Variants in FOCAD observed in about 807,000 individuals in gnomAD.
The protein encoded by FOCAD is KIAA1797.
A neutral mutation model predicts 225.6 loss-of-function variants in FOCAD; 198 were observed. The observed-to-expected ratio is 0.88, with a 90% confidence interval of 0.78 to 0.99. FOCAD has a LOEUF of 0.99. Ranked by LOEUF, FOCAD falls within the 50% of genes least tolerant of loss-of-function variation. FOCAD has a pLI of 0.00. For missense variants in FOCAD, 2,713 were observed against 2,123.6 expected (o/e 1.28, Z -5.46); for synonymous variants, 897 against 755.0 (o/e 1.19, Z -3.08).
intron 35 of FOCAD, among the ~76,000 whole-genome samples, chr9:20,954,358 AT>A (rs1261410441): frequency 6.6e-6 from 1 of 152,184 alleles, no homozygotes; most frequent in Non-Finnish European, 1.5e-5. Flanking sequence ...AGGAATACAT[AT>A]ATATTTCTGC....
chr9:20,949,611 C>T lies in FOCAD; in HGVS notation c.3884C>T (p.Ser1295Leu). 6.2e-7 allele frequency: 1 copy of T among 1,612,892 alleles called. No homozygotes were observed. Among genetic ancestry groups the T allele is most frequent in the Non-Finnish European group, 8.5e-7 (1 of 1,179,156 alleles). ...TTCTTCTTATTCTTTCAGCTGAAAT[C>T]AGAAGCCATCCAGACCTCTCATTTT... is the stretch of plus-strand genomic sequence containing the variant. Reference protein sequence around the residue: ...GSEGDVMQLKSEAIQTSHFQG... With the variant: ...GSEGDVMQLKLEAIQTSHFQG... Residue 1295 changes from serine (S) to leucine (L), a missense_variant, in exon 33 of 44, where the codon TCA (serine) becomes TTA (leucine). By Grantham distance (145) the Ser-to-Leu change is moderately radical (BLOSUM62 -2). Transcript: ENST00000338382.
intron 15 of FOCAD, among the ~76,000 whole-genome samples, chr9:20,838,413 T>A (rs369761709): frequency 7.7e-4 from 117 of 152,212 alleles, no homozygotes; most frequent in African/African-American, 2.7e-3. Context: ...TCTTTTTGCT[T>A]CAGAGCCATG....
At chr9:20,812,371 A>G (rs1342685770) in intron 11 of FOCAD, among the ~76,000 whole-genome samples, 3 of 152,124 alleles carry the variant, frequency 2.0e-5, no homozygotes, top group African/African-American at 4.8e-5. Context: ...CATGATGAAT[A>G]GTAACAAAGC....
At chr9:20,685,972 C>T (rs995637120) in intron 1 of FOCAD, among the ~76,000 whole-genome samples, 3 of 152,058 alleles carry the variant, frequency 2.0e-5, no homozygotes, top group Non-Finnish European at 2.9e-5. Flanking sequence ...TGGTGCTTAC[C>T]GGTAAATCGT....
chr9:20,861,435 T>C (rs531419436), intron 15 of FOCAD, among the ~76,000 whole-genome samples: 116 of 152,306 alleles, frequency 7.6e-4, no homozygotes, highest in African/African-American at 2.6e-3. Flanking sequence ...TGGTCTACAA[T>C]ACTGCCCTTA....
intron 21 of FOCAD, among the ~76,000 whole-genome samples, chr9:20,898,868 G>A (rs1219442138): frequency 6.6e-6 from 1 of 151,952 alleles, no homozygotes; most frequent in East Asian, 1.9e-4. Flanking sequence ...AGGTGTTGGG[G>A]GAGTAGAGTC....
intron 18 of FOCAD, among the ~76,000 whole-genome samples, chr9:20,873,087 C>T (rs1296840169): frequency 6.6e-6 from 1 of 152,058 alleles, no homozygotes; most frequent in African/African-American, 2.4e-5. Flanking sequence ...GTTTGGGCTG[C>T]ATGAATGTTT....
At position 20,869,345 on chromosome 9, in the gene FOCAD, AT is replaced by A. The variant is rs556373956; in HGVS notation, c.2190+2334del. On this transcript the variant is annotated intron_variant, in intron 18 of 43. Transcript: ENST00000338382. The stretch of plus-strand genomic sequence containing the variant: ...TGTGAATTTCAAGTAGAGCTAAAAA[AT>A]ATATATATATAAGATATCCTTACAA... Among the ~76,000 whole-genome samples the A allele has an allele frequency of 2.0e-5, 3 of 151,968 alleles. No individual in the cohort carries two copies. In the South Asian group the frequency reaches 6.2e-4, roughly 32 times the overall value.
intron 24 of FOCAD, among the ~76,000 whole-genome samples, chr9:20,922,443 A>G (rs1834530561): frequency 6.6e-6 from 1 of 152,156 alleles, no homozygotes; most frequent in African/African-American, 2.4e-5. Context: ...GGGCGAATAG[A>G]TAGGAAGGAT....
At chr9:20,819,308 G>C (rs568757040) in intron 11 of FOCAD, among the ~76,000 whole-genome samples, 2 of 152,250 alleles carry the variant, frequency 1.3e-5, no homozygotes, top group East Asian at 3.9e-4. Context: ...TGAGCTCCCA[G>C]TGTTAAGTGA....
intron 6 of FOCAD, among the ~76,000 whole-genome samples, chr9:20,759,778 T>C (rs1271576229): frequency 6.6e-6 from 1 of 152,172 alleles, no homozygotes; most frequent in Non-Finnish European, 1.5e-5. Context: ...AAGTTAAGCA[T>C]TGGTAAGTGG....
intron 11 of FOCAD, among the ~76,000 whole-genome samples, chr9:20,802,672 A>G (rs10123225): frequency 0.22 from 33,211 of 152,150 alleles, 3,726 homozygotes; most frequent in Non-Finnish European, 0.25. Flanking sequence ...GAAACACTGT[A>G]GAGTCCAGGG....
At chr9:20,943,495 C>G (rs1040692673) in intron 28 of FOCAD, among the ~76,000 whole-genome samples, 1 of 152,136 alleles carries the variant, frequency 6.6e-6, no homozygotes, top group Non-Finnish European at 1.5e-5. Flanking sequence ...GCTGGATGCT[C>G]TCTGTGTGAC....
At chr9:20,760,019 C>G (rs961921578) in intron 6 of FOCAD, among the ~76,000 whole-genome samples, 8 of 152,224 alleles carry the variant, frequency 5.3e-5, no homozygotes, top group Non-Finnish European at 1.2e-4. Context: ...TCTATCCTTA[C>G]TACCATGACG....
At chr9:20,762,810 C>T (rs948776726) in intron 6 of FOCAD, among the ~76,000 whole-genome samples, 1 of 131,332 alleles carries the variant, frequency 7.6e-6, no homozygotes, top group Non-Finnish European at 1.7e-5. Flanking sequence ...AATTTTCAGC[C>T]CTTGCCCCTC....
At chr9:20,769,971 C>G in intron 7 of FOCAD, 61 bp from the exon 8 acceptor site, 1 of 1,464,346 alleles carries the variant, frequency 6.8e-7, no homozygotes, top group Non-Finnish European at 9.4e-7. Flanking sequence ...TTTTTGTGTA[C>G]TTTAAAATTA....
At chr9:20,971,317 C>T (rs558793893) in intron 35 of FOCAD, among the ~76,000 whole-genome samples, 40 of 152,276 alleles carry the variant, frequency 2.6e-4, no homozygotes, top group African/African-American at 9.1e-4. Flanking sequence ...CTGCCACTTC[C>T]ACTTCTACTT....
intron 35 of FOCAD, among the ~76,000 whole-genome samples, chr9:20,954,461 A>C (rs6475494): frequency 6.6e-6 from 1 of 151,966 alleles, no homozygotes; most frequent in African/African-American, 2.4e-5. Flanking sequence ...CTTAAGGTCA[A>C]GTAGAAGATA....
chr9:20,724,832 G>A (rs751727388), intron 4 of FOCAD, among the ~76,000 whole-genome samples: 1 of 152,068 alleles, frequency 6.6e-6, no homozygotes, highest in Non-Finnish European at 1.5e-5. Flanking sequence ...TGAACCTCAG[G>A]GAATCTTCTG....
Sources: allele counts gnomAD v4.1 joint callset (sites outside exome capture counted in the v4.1 genomes callset), GRCh38; gene constraint gnomAD v4.1.1; transcripts MANE v1.5; gene names NCBI Gene and HGNC (gene_info 2026-07-23, HGNC 2026-07-21).